Variants in EIF3H observed in about 807,000 individuals in gnomAD.
EIF3H encodes eukaryotic translation initiation factor 3 subunit H, also known as eIF-3-gamma.
Under a neutral mutation model 44.2 loss-of-function variants are expected in EIF3H, and 26 were observed. That is an observed-to-expected ratio of 0.59 (90% CI 0.43 to 0.82). The LOEUF (loss-of-function observed/expected upper bound fraction) is 0.82. Ranked by LOEUF, EIF3H falls within the 40% of genes least tolerant of loss-of-function variation. The probability of loss-of-function intolerance (pLI) is 0.00; values close to 1 mark genes in which losing one functional copy is unlikely to be tolerated. For missense variants in EIF3H, 359 were observed against 432.8 expected, an observed-to-expected ratio of 0.83 and a Z score of 1.51; for synonymous variants, 166 against 151.9, an observed-to-expected ratio of 1.09 and a Z score of -0.68.
intron 1 of EIF3H, among the ~76,000 whole-genome samples, chr8:116,730,039 C>A (rs1238745083): frequency 2.0e-5 from 3 of 152,204 alleles, no homozygotes; most frequent in Non-Finnish European, 2.9e-5. Context: ...AGGAAAAAAT[C>A]ACTATTATCA....
At chr8:116,667,741 AC>A (rs1813692709) in intron 2 of EIF3H, among the ~76,000 whole-genome samples, 1 of 152,242 alleles carries the variant, frequency 6.6e-6, no homozygotes. Context: ...TAAACCATTT[AC>A]TGGGCACTGC....
intron 1 of EIF3H, among the ~76,000 whole-genome samples, chr8:116,726,461 AG>A (rs1355513090): frequency 2.6e-5 from 4 of 152,330 alleles, no homozygotes; most frequent in East Asian, 3.9e-4. Flanking sequence ...GGCATCCAGG[AG>A]TTCCTTCAGC....
At chr8:116,660,686 G>A (rs1433787408) in intron 2 of EIF3H, among the ~76,000 whole-genome samples, 1 of 152,148 alleles carries the variant, frequency 6.6e-6, no homozygotes, top group East Asian at 1.9e-4. Context: ...TGCCTGTTTT[G>A]AAAGTGGGCT....
At chr8:116,724,255 T>C (rs1169851505) in intron 2 of EIF3H, among the ~76,000 whole-genome samples, 3 of 152,182 alleles carry the variant, frequency 2.0e-5, no homozygotes, top group African/African-American at 7.2e-5. Flanking sequence ...GATATCCACA[T>C]GCCAAAGAAC....
At chr8:116,665,251 C>G (rs1000363060) in intron 2 of EIF3H, among the ~76,000 whole-genome samples, 3 of 152,068 alleles carry the variant, frequency 2.0e-5, no homozygotes, top group Admixed American at 6.5e-5. Context: ...TTAAATTAAC[C>G]AATAATAAAC....
At chr8:116,695,687 A>G (rs1163385189) in intron 2 of EIF3H, among the ~76,000 whole-genome samples, 1 of 152,184 alleles carries the variant, frequency 6.6e-6, no homozygotes. Context: ...AGGGCAACCC[A>G]TGCATGAGGC....
chr8:116,680,075 T>G (rs1586451987), intron 2 of EIF3H, among the ~76,000 whole-genome samples: 1 of 32,546 alleles, frequency 3.1e-5, no homozygotes, highest in African/African-American at 1.1e-4. Context: ...AGGAGGGAGG[T>G]GGGGGGATCA....
chr8:116,652,963 G>T (rs561744622), intron 5 of EIF3H, among the ~76,000 whole-genome samples: 2 of 152,274 alleles, frequency 1.3e-5, no homozygotes, highest in South Asian at 4.1e-4. Flanking sequence ...TTAGCTACAT[G>T]ATTAGTTGTT....
intron 2 of EIF3H, among the ~76,000 whole-genome samples, chr8:116,680,830 AAAT>A (rs1216315681): frequency 8.2e-4 from 51 of 62,212 alleles, no homozygotes; most frequent in Non-Finnish European, 1.3e-3. Context: ...CAATAAAAAA[AAAT>A]AATAATAAAT....
intron 2 of EIF3H, among the ~76,000 whole-genome samples, chr8:116,683,456 T>C (rs1226857816): frequency 6.6e-6 from 1 of 152,188 alleles, no homozygotes; most frequent in Non-Finnish European, 1.5e-5. Context: ...ACATGAGCCC[T>C]GCTCTCATTA....
At chr8:116,665,953 C>T (rs970163409) in intron 2 of EIF3H, among the ~76,000 whole-genome samples, 2 of 152,156 alleles carry the variant, frequency 1.3e-5, no homozygotes, top group South Asian at 2.1e-4. Flanking sequence ...TTTCTTAAAA[C>T]GTCCATATTC....
chr8:116,729,036 G>A (rs1421148927), intron 1 of EIF3H, among the ~76,000 whole-genome samples: 4 of 152,108 alleles, frequency 2.6e-5, no homozygotes, highest in African/African-American at 9.7e-5. Flanking sequence ...AACAAATACA[G>A]GTGATCAAGA....
chr8:116,761,629 C>G (rs1315865123), intron 1 of EIF3H, among the ~76,000 whole-genome samples: 1 of 152,214 alleles, frequency 6.6e-6, no homozygotes, highest in Non-Finnish European at 1.5e-5. Context: ...TAAATTATTA[C>G]AGAAAGCAAA....
chr8:116,654,501 T>C lies in EIF3H; in HGVS notation c.707+1355A>G, dbSNP rs117100199. On this transcript the variant is annotated intron_variant, in intron 5 of 7. Transcript: ENST00000521861. ...AAGTATTATATAACTATATACTTAA[T>C]ACATCAAATTGTAACCTTGTATGCT... 2.8e-3 allele frequency among the ~76,000 whole-genome samples: 419 copies of C among 152,354 alleles called. 6 individuals carry two copies. In the East Asian group the frequency reaches 0.029, roughly 10 times the overall value.
chr8:116,660,813 G>T (rs1200137999), intron 2 of EIF3H, among the ~76,000 whole-genome samples: 2 of 152,144 alleles, frequency 1.3e-5, no homozygotes, highest in East Asian at 3.8e-4. Context: ...CAGACACTTT[G>T]TATACCAAAC....
At chr8:116,682,216 A>G (rs931054132) in intron 2 of EIF3H, among the ~76,000 whole-genome samples, 6 of 152,236 alleles carry the variant, frequency 3.9e-5, no homozygotes, top group Non-Finnish European at 8.8e-5. Context: ...TAGAAAGATG[A>G]GAAGATTGCT....
chr8:116,664,278 T>G (rs1317955831), intron 2 of EIF3H, among the ~76,000 whole-genome samples: 2 of 152,202 alleles, frequency 1.3e-5, no homozygotes, highest in Non-Finnish European at 2.9e-5. Flanking sequence ...AACTATCCCT[T>G]TCAAACATCA....
chr8:116,695,265 C>T (rs748054343), intron 2 of EIF3H, among the ~76,000 whole-genome samples: 1 of 152,066 alleles, frequency 6.6e-6, no homozygotes, highest in Non-Finnish European at 1.5e-5. Flanking sequence ...GATGGGGTTT[C>T]ACCATGTTGG....
intron 2 of EIF3H, among the ~76,000 whole-genome samples, chr8:116,699,887 T>A (rs555028986): frequency 6.6e-6 from 1 of 152,156 alleles, no homozygotes; most frequent in South Asian, 2.1e-4. Flanking sequence ...CTCAGCTCAC[T>A]GCAACCTCTG....
Sources: allele counts gnomAD v4.1 joint callset (sites outside exome capture counted in the v4.1 genomes callset), GRCh38; gene constraint gnomAD v4.1.1; transcripts MANE v1.5; gene names NCBI Gene and HGNC (gene_info 2026-07-23, HGNC 2026-07-21).